CASP10: variants seen among roughly 807,000 people sequenced by gnomAD.
CASP10 encodes the protein caspase 10, also known as caspase-10.
In CASP10, 41 loss-of-function variants were observed where a neutral mutation model predicts 48.5. The ratio of observed to expected loss-of-function variants is 0.85; its 90% CI spans 0.66 to 1.10. The LOEUF (loss-of-function observed/expected upper bound fraction) is 1.10, where lower values mean the gene tolerates loss of function less well. Among genes scored for constraint, CASP10 ranks in the 50% least tolerant of loss-of-function variants. The pLI is 0.00. For missense variants in CASP10, 614 were observed against 614.5 expected (o/e 1.00, Z 0.01); for synonymous variants, 232 against 238.4 (o/e 0.97, Z 0.25).
chr2:201,217,500 A>G, intron 9 of CASP10, 88 bp from the exon 10 acceptor site: 1 of 809,122 alleles, frequency 1.2e-6, no homozygotes, highest in South Asian at 1.4e-5. Context: ...TGGAGGCTGC[A>G]GTGAGCTGAG....
At chr2:201,210,610 C>G (rs930653345) in intron 9 of CASP10, among the ~76,000 whole-genome samples, 1 of 152,162 alleles carries the variant, frequency 6.6e-6, no homozygotes. Flanking sequence ...AACCTTGAGT[C>G]AACTTTGCTT....
chr2:201,200,477 G>A (rs774343013), intron 5 of CASP10: 26 of 1,598,212 alleles, frequency 1.6e-5, no homozygotes, highest in African/African-American at 1.5e-4. Context: ...GAAGGAGACC[G>A]TGGAAACTCG....
intron 3 of CASP10, among the ~76,000 whole-genome samples, chr2:201,188,308 T>C (rs1210290772): frequency 1.3e-5 from 2 of 152,126 alleles, no homozygotes; most frequent in East Asian, 3.9e-4. Flanking sequence ...GCCTCCCTAG[T>C]AGCTGGGATT....
At chr2:201,210,103 G>T (rs1030968608) in intron 9 of CASP10, among the ~76,000 whole-genome samples, 8 of 152,220 alleles carry the variant, frequency 5.3e-5, no homozygotes, top group African/African-American at 1.9e-4. Context: ...ATGAACAAAA[G>T]CATGGGGGCC....
intron 7 of CASP10, among the ~76,000 whole-genome samples, chr2:201,206,598 GTATA>G (rs112932298): frequency 6.9e-6 from 1 of 145,446 alleles, no homozygotes; most frequent in Non-Finnish European, 1.5e-5. Flanking sequence ...TATATTAAGT[GTATA>G]TATATATATA....
At chr2:201,188,193 T>C (rs1944481846) in intron 3 of CASP10, among the ~76,000 whole-genome samples, 1 of 152,184 alleles carries the variant, frequency 6.6e-6, no homozygotes, top group African/African-American at 2.4e-5. Flanking sequence ...TTTTTGTTTT[T>C]TTTTGAGACG....
Position 201,214,941 on chromosome 2 carries a change from T to G in CASP10, c.1416-2647T>G, listed in dbSNP as rs1365787248. ...AATGCTAATATGATACTTATGTAAA[T>G]AGAGGGCATTTGGTAAGTATGTTCT... is the stretch of plus-strand genomic sequence containing the variant. On this transcript the variant is annotated intron_variant, in intron 9 of 9. Coordinates refer to ENST00000286186, the MANE Select transcript of CASP10 (RefSeq NM_032977.4). The G allele has an allele frequency of 2.6e-5, 4 of 152,134 alleles. No individual in the cohort carries two copies. The South Asian group carries it at 8.3e-4, about 31-fold the overall frequency. The allele number at this position is 152,134 out of a possible 1,614,324, so 9.4% of individuals were successfully genotyped here.
intron 3 of CASP10, among the ~76,000 whole-genome samples, chr2:201,188,569 C>T (rs1478972962): frequency 6.6e-6 from 1 of 152,174 alleles, no homozygotes; most frequent in Non-Finnish European, 1.5e-5. Context: ...TAAAATGTAT[C>T]TGTTGAAGAA....
At chr2:201,192,852 C>T in intron 3 of CASP10, 132 bp from the exon 4 acceptor site, 2 of 872,446 alleles carry the variant, frequency 2.3e-6, no homozygotes, top group Non-Finnish European at 3.8e-6. Flanking sequence ...CATTCCTGAG[C>T]AACTTGAGGG....
chr2:201,224,295 A>G (rs934946813), downstream of CASP10, among the ~76,000 whole-genome samples: 62 of 152,172 alleles, frequency 4.1e-4, no homozygotes, highest in African/African-American at 1.4e-3. Context: ...CTCTTAATAC[A>G]TTAGAAAAAA....
intron 5 of CASP10, chr2:201,200,490 A>G (rs764799470): frequency 6.3e-7 from 1 of 1,598,416 alleles, no homozygotes; most frequent in South Asian, 1.1e-5. Flanking sequence ...GAAACTCGCC[A>G]GATGACCTGT....
At chr2:201,225,758 G>C (rs1945780074), downstream of CASP10, among the ~76,000 whole-genome samples, 1 of 152,180 alleles carries the variant, frequency 6.6e-6, no homozygotes, top group Non-Finnish European at 1.5e-5. Context: ...GATCACCTGA[G>C]GTCAGGAGTT....
chr2:201,193,258 A>G (rs771684153), intron 4 of CASP10, 139 bp downstream of exon 4: 13 of 840,230 alleles, frequency 1.5e-5, no homozygotes, highest in Non-Finnish European at 2.1e-5. Context: ...CCCAGGCTGG[A>G]GTGCAGTGGT....
intron 5 of CASP10, among the ~76,000 whole-genome samples, chr2:201,202,252 C>T (rs1410550338): frequency 6.6e-6 from 1 of 152,110 alleles, no homozygotes; most frequent in Non-Finnish European, 1.5e-5. Context: ...CTTATTGGAC[C>T]CCTCTTGAAA....
downstream of CASP10, among the ~76,000 whole-genome samples, chr2:201,221,910 A>G (rs1317209108): frequency 6.6e-6 from 1 of 152,226 alleles, no homozygotes; most frequent in Admixed American, 6.5e-5. Flanking sequence ...ACATCAGAAC[A>G]TAGTCATCCT....
chr2:201,200,739 C>T lies in CASP10; in HGVS notation c.685-2991C>T, dbSNP rs138067550. The T allele has an allele frequency of 8.7e-4, 1,069 of 1,227,702 alleles. 26 individuals are homozygous for T. The East Asian group carries it at 0.032, about 37-fold the overall frequency. 76.1% of individuals were successfully genotyped at this position (1,227,702 alleles called of 1,614,324 possible). On this transcript the variant is annotated intron_variant, in intron 5 of 9. Transcript: ENST00000286186. ...AAATGGTAACACCTCCGCCTGCTTG[C>T]TGTGAGTTTATTCATTTGAATTCCC... is the stretch of plus-strand genomic sequence containing the variant.
intron 1 of CASP10, among the ~76,000 whole-genome samples, chr2:201,185,057 T>G (rs953131962): frequency 6.6e-6 from 1 of 152,114 alleles, no homozygotes; most frequent in Non-Finnish European, 1.5e-5. Flanking sequence ...AGTGGCATGA[T>G]CATGGCTCAC....
At chr2:201,228,868 A>T in intron 9 of CASP10, 1 of 1,478,174 alleles carries the variant, frequency 6.8e-7, no homozygotes, top group Non-Finnish European at 9.4e-7. Flanking sequence ...CAGCCTCTCC[A>T]GGTCCTTGTG....
chr2:201,227,062 G>T (rs1214246268), intron 9 of CASP10, among the ~76,000 whole-genome samples: 4 of 152,140 alleles, frequency 2.6e-5, no homozygotes, highest in East Asian at 1.9e-4. Context: ...GTAGTTGCCT[G>T]GGATGGGATT....
Sources: gnomAD v4.1 joint callset for allele counts (sites outside exome capture counted in the v4.1 genomes callset) on GRCh38, gnomAD v4.1.1 for gene constraint, MANE v1.5 for transcripts, NCBI Gene and HGNC (gene_info 2026-07-23, HGNC 2026-07-21) for gene names.